Variants in FHIT observed in about 807,000 individuals in gnomAD.
The protein encoded by FHIT is bis(5'-adenosyl)-triphosphatase.
Under a neutral mutation model 17.9 loss-of-function variants are expected in FHIT, and 19 were observed. That is an observed-to-expected ratio of 1.06 (90% CI 0.74 to 1.56). FHIT has a LOEUF of 1.56. FHIT is among the 40% of genes most tolerant of loss of function. The pLI, the probability that FHIT is intolerant of heterozygous loss-of-function variation, is 0.00. For missense variants in FHIT, 248 were observed against 189.2 expected, an observed-to-expected ratio of 1.31 and a Z score of -1.82; for synonymous variants, 81 against 69.7, an observed-to-expected ratio of 1.16 and a Z score of -0.81.
intron 5 of FHIT, among the ~76,000 whole-genome samples, chr3:60,451,548 T>C (rs2031747271): frequency 6.6e-6 from 1 of 152,210 alleles, no homozygotes; most frequent in Non-Finnish European, 1.5e-5. Flanking sequence ...CCAGAAGTTG[T>C]ATGAATGCAA....
intron 7 of FHIT, among the ~76,000 whole-genome samples, chr3:59,989,995 T>C (rs1286034361): frequency 2.0e-5 from 3 of 152,054 alleles, no homozygotes; most frequent in African/African-American, 7.2e-5. Flanking sequence ...CAAAGCCTTA[T>C]TTTTATGCTG....
chr3:60,326,159 G>A lies in FHIT; in HGVS notation c.103+210701C>T, dbSNP rs569983727. On this transcript the variant is annotated intron_variant, in intron 5 of 9. Transcript: ENST00000492590. ...GATGGGGGTGGAGTGGGGCTGGCAG[G>A]GGGGTGGTGATGGTTTCAGGATGAT... 3.3e-5 allele frequency among the ~76,000 whole-genome samples: 5 copies of A among 152,150 alleles called. No homozygotes were observed. In the South Asian group the frequency reaches 8.3e-4, roughly 25 times the overall value.
rs145359191 is a variant in FHIT at position 60,736,329 on chromosome 3, T to C, written c.-18+85590A>G. ...ATAAATATACAAGTACACACACACATACAAATTAAAAAGTCCATAACCACA... is the reference window on the plus strand; with the variant it reads ...ATAAATATACAAGTACACACACACACACAAATTAAAAAGTCCATAACCACA... On this transcript the variant is annotated intron_variant, in intron 4 of 9. Coordinates refer to ENST00000492590, the MANE Select transcript of FHIT (RefSeq NM_002012.4). Among the ~76,000 whole-genome samples the C allele has an allele frequency of 3.9e-5, 6 of 152,096 alleles. 1 individual carries two copies. Among genetic ancestry groups the C allele is most frequent in the East Asian group, 1.9e-4 (1 of 5,160 alleles).
chr3:60,146,806 T>C (rs1700261407), intron 5 of FHIT, among the ~76,000 whole-genome samples: 2 of 152,136 alleles, frequency 1.3e-5, no homozygotes, highest in Admixed American at 1.3e-4. Context: ...CAGCTAAAAC[T>C]TCCTACCATG....
chr3:59,864,177 G>A (rs1230572517), intron 8 of FHIT, among the ~76,000 whole-genome samples: 1 of 152,134 alleles, frequency 6.6e-6, no homozygotes, highest in Non-Finnish European at 1.5e-5. Flanking sequence ...TTTTGGCTGT[G>A]TCCCCACCCA....
At chr3:60,454,467 C>T (rs2031957817) in intron 5 of FHIT, among the ~76,000 whole-genome samples, 1 of 151,874 alleles carries the variant, frequency 6.6e-6, no homozygotes, top group Admixed American at 6.6e-5. Flanking sequence ...TCACTGCAAC[C>T]TCCACCTCCT....
At chr3:60,011,443 G>A (rs1411567192) in intron 6 of FHIT, 43 bp from the exon 7 acceptor site, 3 of 1,511,586 alleles carry the variant, frequency 2.0e-6, no homozygotes, top group African/African-American at 2.7e-5. Context: ...ATAGATAGAT[G>A]GTATCTCCTG....
intron 5 of FHIT, among the ~76,000 whole-genome samples, chr3:60,157,146 G>T (rs1363052958): frequency 6.6e-6 from 1 of 151,940 alleles, no homozygotes; most frequent in Non-Finnish European, 1.5e-5. Context: ...TGTAATAATG[G>T]TTTCAGTGCC....
intron 8 of FHIT, among the ~76,000 whole-genome samples, chr3:59,851,004 T>C (rs1055089929): frequency 6.6e-6 from 1 of 152,208 alleles, no homozygotes; most frequent in Non-Finnish European, 1.5e-5. Context: ...CACAAGGGGT[T>C]GGTAAACAAA....
intron 5 of FHIT, among the ~76,000 whole-genome samples, chr3:60,531,673 G>T (rs529029933): frequency 9.3e-4 from 142 of 152,304 alleles, no homozygotes; most frequent in African/African-American, 3.2e-3. Context: ...CTGAGGAAAT[G>T]ACAAATATTT....
intron 4 of FHIT, among the ~76,000 whole-genome samples, chr3:60,734,715 T>C (rs2042101253): frequency 6.6e-6 from 1 of 152,030 alleles, no homozygotes; most frequent in Non-Finnish European, 1.5e-5. Flanking sequence ...GGAAAAGTTG[T>C]CTCTAAAGTT....
At chr3:60,690,327 C>A (rs2040957230) in intron 4 of FHIT, 4 of 567,034 alleles carry the variant, frequency 7.1e-6, no homozygotes, top group Admixed American at 1.9e-5. Flanking sequence ...CTTCTTTCAC[C>A]CTGCCAAAGA....
chr3:60,691,723 T>C (rs926974665), intron 4 of FHIT, among the ~76,000 whole-genome samples: 29 of 152,192 alleles, frequency 1.9e-4, no homozygotes, highest in African/African-American at 7.0e-4. Flanking sequence ...TTCAATTGTG[T>C]TATGACATTC....
chr3:60,195,714 T>C (rs891174640), intron 5 of FHIT, among the ~76,000 whole-genome samples: 2 of 150,768 alleles, frequency 1.3e-5, no homozygotes, highest in African/African-American at 4.9e-5. Flanking sequence ...AAAAAAATAA[T>C]GTCTTTTGCA....
At chr3:60,405,831 G>A (rs577105050) in intron 5 of FHIT, among the ~76,000 whole-genome samples, 2 of 152,294 alleles carry the variant, frequency 1.3e-5, no homozygotes, top group South Asian at 2.1e-4. Context: ...CATCAACTGT[G>A]CTATGCTTGA....
chr3:60,764,821 A>G (rs1699793658), intron 4 of FHIT, among the ~76,000 whole-genome samples: 1 of 151,434 alleles, frequency 6.6e-6, no homozygotes, highest in South Asian at 2.1e-4. Context: ...TGACATGTCA[A>G]TATATGAATA....
chr3:59,952,103 T>C lies in FHIT; in HGVS notation c.280-29689A>G, dbSNP rs955442124. Among the ~76,000 whole-genome samples the C allele has an allele frequency of 3.2e-4, 48 of 152,214 alleles. 1 individual carries two copies. Among genetic ancestry groups the C allele is most frequent in the African/African-American group, 1.2e-3 (48 of 41,460 alleles). On this transcript the variant is annotated intron_variant, in intron 7 of 9. Transcript: ENST00000492590. ...TCCCACAGCTTTGACTGAAAGTTCT[T>C]GGATTCCTTCTATATCCAGTCAATT...
intron 5 of FHIT, among the ~76,000 whole-genome samples, chr3:60,508,734 T>C (rs947663475): frequency 1.3e-5 from 2 of 152,122 alleles, no homozygotes; most frequent in Non-Finnish European, 2.9e-5. Context: ...GTGAGATTTG[T>C]ATATTATGAG....
intron 4 of FHIT, among the ~76,000 whole-genome samples, chr3:60,750,183 T>C (rs376718810): frequency 2.0e-5 from 3 of 152,216 alleles, no homozygotes; most frequent in Admixed American, 6.5e-5. Context: ...AGGATGAACG[T>C]AGTCAAAGGC....
Sources: gnomAD v4.1 joint callset for allele counts (sites outside exome capture counted in the v4.1 genomes callset) on GRCh38, gnomAD v4.1.1 for gene constraint, MANE v1.5 for transcripts, NCBI Gene and HGNC (gene_info 2026-07-23, HGNC 2026-07-21) for gene names.